Variants in ZNF44 observed in about 807,000 individuals in gnomAD.
The protein encoded by ZNF44 is gonadotropin inducible transcription repressor-2.
A neutral mutation model predicts 11.7 loss-of-function variants in ZNF44; 9 were observed. That is an observed-to-expected ratio of 0.77 (90% CI 0.46 to 1.35). The LOEUF is 1.35. ZNF44 is among the 40% of genes most tolerant of loss of function. The probability of loss-of-function intolerance (pLI) is 0.00; values close to 1 mark genes in which losing one functional copy is unlikely to be tolerated. For synonymous variants in ZNF44, 224 were observed against 242.7 expected (o/e 0.92, Z 0.72); for missense variants, 696 against 743.1 (o/e 0.94, Z 0.74).
intron 1 of ZNF44, among the ~76,000 whole-genome samples, chr19:12,276,862 G>A (rs1373843239): frequency 6.6e-6 from 1 of 152,080 alleles, no homozygotes; most frequent in Admixed American, 6.6e-5. Context: ...ATGAGAAGAG[G>A]AAGATACTTC....
chr19:12,264,445 T>G (rs1474300529), intron 5 of ZNF44, among the ~76,000 whole-genome samples: 7 of 152,172 alleles, frequency 4.6e-5, no homozygotes, highest in Non-Finnish European at 4.4e-5. Flanking sequence ...ACACTTTTGA[T>G]ATTTTAAATG....
At chr19:12,266,265 G>A (rs542986915) in intron 5 of ZNF44, 81 of 985,310 alleles carry the variant, frequency 8.2e-5, no homozygotes, top group Non-Finnish European at 8.8e-5. Flanking sequence ...CCCCAGCCCG[G>A]CACACTCACC....
chr19:12,236,659 T>G (rs1448287880), intron 1 of ZNF44, among the ~76,000 whole-genome samples: 3 of 152,236 alleles, frequency 2.0e-5, no homozygotes, highest in Non-Finnish European at 4.4e-5. Context: ...GTAGGACAGA[T>G]TCAATCATCC....
intron 1 of ZNF44, among the ~76,000 whole-genome samples, chr19:12,277,054 T>C (rs1967258038): frequency 6.6e-6 from 1 of 152,214 alleles, no homozygotes; most frequent in African/African-American, 2.4e-5. Flanking sequence ...TGGTATCCTG[T>C]TGTAAGTAAC....
chr19:12,260,888 A>C (rs1599511451), intron 5 of ZNF44, among the ~76,000 whole-genome samples: 2 of 152,182 alleles, frequency 1.3e-5, no homozygotes, highest in African/African-American at 4.8e-5. Context: ...ATTCAGAACA[A>C]GAGAAGATAG....
chr19:12,268,157 CACACACACACACACACACACACACA>C (rs1599520373), downstream of ZNF44, among the ~76,000 whole-genome samples: 3 of 142,890 alleles, frequency 2.1e-5, no homozygotes, highest in South Asian at 2.3e-4. Flanking sequence ...CACACACACA[CACACACACACACACACACACACACA>C]AGCTCCTTCC....
At chr19:12,254,148 A>T (rs181489254) in intron 5 of ZNF44, among the ~76,000 whole-genome samples, 51 of 151,588 alleles carry the variant, frequency 3.4e-4, no homozygotes, top group Admixed American at 5.9e-4. Flanking sequence ...ACATAAAACA[A>T]ACCTAATCCA....
At chr19:12,264,188 C>T (rs538068643) in intron 5 of ZNF44, among the ~76,000 whole-genome samples, 1 of 152,186 alleles carries the variant, frequency 6.6e-6, no homozygotes, top group Non-Finnish European at 1.5e-5. Context: ...CTCCCCACCA[C>T]GTACATGTGG....
chr19:12,248,297 G>C, exon 8 of ZNF44: 1 of 1,295,612 alleles, frequency 7.7e-7, no homozygotes, highest in Non-Finnish European at 1.0e-6. Flanking sequence ...TATCTCCAGT[G>C]TGAGTCCTTC....
chr19:12,244,307 T>G (rs797020980), downstream of ZNF44, among the ~76,000 whole-genome samples: 90 of 152,344 alleles, frequency 5.9e-4, no homozygotes, highest in African/African-American at 2.1e-3. Flanking sequence ...CCTGGCCTCC[T>G]AAACTTATGA....
chr19:12,268,145 G>GACACACACACACACACACACAC (rs71166661), downstream of ZNF44, among the ~76,000 whole-genome samples: 61 of 136,852 alleles, frequency 4.5e-4, no homozygotes, highest in African/African-American at 1.3e-3. Context: ...CACACACACA[G>GACACACACACACACACACACAC]ACACACACAC....
chr19:12,247,331 G>C (rs1056359841), downstream of ZNF44: 8 of 1,286,318 alleles, frequency 6.2e-6, no homozygotes, highest in Admixed American at 1.4e-4. Flanking sequence ...GCCAAATGAA[G>C]GCGTTGCCAC....
At chr19:12,239,413 CTTTTTT>C (rs34726133), upstream of ZNF44, among the ~76,000 whole-genome samples, 1 of 113,896 alleles carries the variant, frequency 8.8e-6, no homozygotes, top group Non-Finnish European at 1.7e-5. Flanking sequence ...TGCACCTGGC[CTTTTTT>C]TTTTTTTTTT....
In ZNF44 at chr19:12,249,677, G is replaced by A. The variant is rs542530820; in HGVS notation, c.*186+301C>T. Among the ~76,000 whole-genome samples the A allele has an allele frequency of 2.1e-4, 32 of 151,964 alleles. 1 individual carries two copies. In the South Asian group the frequency reaches 3.1e-3, roughly 15 times the overall value. On this transcript the variant is annotated intron_variant and NMD_transcript_variant, in intron 7 of 7. Coordinates refer to the ZNF44 transcript ENST00000393337. ...AAGCGATTCTCCTGCCTCAGCCTCC[G>A]AAGTAGCTGGGATTACAGGCATGTG...
downstream of ZNF44, chr19:12,247,464 C>T (rs771171295): frequency 9.7e-6 from 13 of 1,335,638 alleles, no homozygotes; most frequent in South Asian, 1.5e-4. Flanking sequence ...AGTATGAATT[C>T]GTTCATGTAT....
exon 8 of ZNF44, chr19:12,248,481 A>G (rs1020544082): frequency 4.6e-6 from 6 of 1,290,772 alleles, no homozygotes; most frequent in Non-Finnish European, 6.1e-6. Flanking sequence ...ACACTTATAC[A>G]GTTTGTGTCT....
chr19:12,261,525 A>G (rs1917510023), intron 5 of ZNF44, among the ~76,000 whole-genome samples: 1 of 152,208 alleles, frequency 6.6e-6, no homozygotes, highest in Non-Finnish European at 1.5e-5. Flanking sequence ...CTAGCTACTC[A>G]GGAGGCTGAG....
downstream of ZNF44, among the ~76,000 whole-genome samples, chr19:12,267,634 C>T (rs1163685506): frequency 1.3e-5 from 2 of 151,994 alleles, no homozygotes; most frequent in African/African-American, 4.8e-5. Context: ...AAGGATTTAA[C>T]TCTGGGAGCT....
At chr19:12,248,748 ATAAC>A (rs1305305878) in intron 7 of ZNF44, 104 of 958,824 alleles carry the variant, frequency 1.1e-4, no homozygotes, top group Non-Finnish European at 1.4e-4. Context: ...TGATACTAGA[ATAAC>A]TATTTTTTCC....
Sources: allele counts gnomAD v4.1 joint callset (sites outside exome capture counted in the v4.1 genomes callset), GRCh38; gene constraint gnomAD v4.1.1; transcripts MANE v1.5; gene names NCBI Gene and HGNC (gene_info 2026-07-23, HGNC 2026-07-21).